ZYG11A: variants seen among roughly 807,000 people sequenced by gnomAD.
ZYG11A encodes protein zyg-11 homolog A.
In ZYG11A, 62 loss-of-function variants were observed where a neutral mutation model predicts 77.2. The observed-to-expected ratio is 0.80, with a 90% CI of 0.65 to 0.99. The LOEUF (loss-of-function observed/expected upper bound fraction) is 0.99, where lower values mean the gene tolerates loss of function less well. ZYG11A is among the 50% of genes least tolerant of loss of function. The pLI is 0.00. For missense variants in ZYG11A, 828 were observed against 896.8 expected (o/e 0.92, Z 0.98); for synonymous variants, 315 against 324.6 (o/e 0.97, Z 0.32).
chr1:52,886,184 G>A (rs888522222), intron 12 of ZYG11A, among the ~76,000 whole-genome samples: 18 of 152,170 alleles, frequency 1.2e-4, no homozygotes, highest in East Asian at 5.8e-4. Context: ...TGCCCGCCTC[G>A]GCCTCCTAAA....
At chr1:52,879,225 T>G (rs2150016225) in intron 10 of ZYG11A, among the ~76,000 whole-genome samples, 1 of 152,294 alleles carries the variant, frequency 6.6e-6, no homozygotes, top group South Asian at 2.1e-4. Flanking sequence ...CCATATGCAT[T>G]GGAAAAATAC....
intron 2 of ZYG11A, among the ~76,000 whole-genome samples, chr1:52,855,373 A>G (rs1485640221): frequency 6.6e-6 from 1 of 152,024 alleles, no homozygotes; most frequent in Non-Finnish European, 1.5e-5. Flanking sequence ...TATTTTTAGT[A>G]GAGATGGGGT....
intron 11 of ZYG11A, among the ~76,000 whole-genome samples, chr1:52,884,206 G>T (rs1646408284): frequency 6.6e-6 from 1 of 150,416 alleles, no homozygotes; most frequent in Non-Finnish European, 1.5e-5. Flanking sequence ...AAAAAAATTA[G>T]CTGGGCGTGG....
At chr1:52,859,102 T>A (rs930291991) in intron 3 of ZYG11A, among the ~76,000 whole-genome samples, 1 of 152,180 alleles carries the variant, frequency 6.6e-6, no homozygotes, top group East Asian at 1.9e-4. Flanking sequence ...AGAGTCACTC[T>A]GTTGTTCAGG....
At chr1:52,885,936 CTTTTTTTTATTT>C in intron 12 of ZYG11A, 42 bp downstream of exon 12, 1 of 1,426,564 alleles carries the variant, frequency 7.0e-7, no homozygotes, top group South Asian at 1.3e-5. Flanking sequence ...TTTTTTTCTT[CTTTTTTTTATTT>C]TTGAGACAGA....
intron 13 of ZYG11A, among the ~76,000 whole-genome samples, chr1:52,892,324 G>A (rs142266215): frequency 0.025 from 3,728 of 147,962 alleles, 138 homozygotes; most frequent in African/African-American, 0.073. Context: ...TCAGGAGATC[G>A]AGACCATCCT....
intron 1 of ZYG11A, among the ~76,000 whole-genome samples, chr1:52,848,631 CCA>C (rs760286681): frequency 4.6e-5 from 7 of 152,152 alleles, no homozygotes; most frequent in Non-Finnish European, 8.8e-5. Flanking sequence ...GGGGTTTCTC[CCA>C]CACGTTGGGA....
Position 52,854,491 on chromosome 1 carries a change from C to G in ZYG11A, c.117C>G (p.Val39=). 1 of 1,548,966 alleles carries G rather than the reference C, an allele frequency of 6.5e-7. No individual in the cohort carries two copies. The highest frequency in any genetic ancestry group is 8.7e-7 in the Non-Finnish European group (1 of 1,145,090). The change falls in exon 2 of 14, where the codon GTC becomes GTG. Residue 39 remains valine, a synonymous_variant. Coordinates refer to ENST00000371528, the MANE Select transcript of ZYG11A (RefSeq NM_001004339.3). ...AAGAGGCATCTCCCTACACTTTGGT[C>G]AACATCTGCCTGAATGTCCTGATTG... ...VQEEASPYTL[V]NICLNVLIAN... is the part of the protein sequence containing the mutation.
intron 10 of ZYG11A, among the ~76,000 whole-genome samples, chr1:52,880,857 G>C (rs1646351510): frequency 6.6e-6 from 1 of 152,186 alleles, no homozygotes; most frequent in Non-Finnish European, 1.5e-5. Context: ...CCAACACTTT[G>C]ATTGCAGCCC....
Position 52,857,608 on chromosome 1 carries a change from A to C in ZYG11A, c.867A>C (p.Ser289=). The C allele has an allele frequency of 6.4e-6, 10 of 1,552,038 alleles. No individual in the cohort carries two copies. The highest frequency in any genetic ancestry group is 8.7e-6 in the Non-Finnish European group (10 of 1,147,066). The change falls in exon 3 of 14, where the codon TCA becomes TCC. Residue 289 remains serine, a synonymous_variant. Coordinates refer to ENST00000371528, the MANE Select transcript of ZYG11A (RefSeq NM_001004339.3). ...QQKDILPNVV[S]LDISGGNCIT... ...AGGATATCCTGCCCAATGTTGTGTC[A>C]TTGGATATTTCTGGGGGCAATTGCA...
chr1:52,853,381 T>G (rs1168490259), intron 1 of ZYG11A, among the ~76,000 whole-genome samples: 1 of 152,182 alleles, frequency 6.6e-6, no homozygotes, highest in Non-Finnish European at 1.5e-5. Flanking sequence ...TATCACTGTT[T>G]GAGGTTGTGA....
chr1:52,862,940 T>C (rs926722927), intron 4 of ZYG11A, among the ~76,000 whole-genome samples: 4 of 152,072 alleles, frequency 2.6e-5, no homozygotes, highest in Non-Finnish European at 5.9e-5. Flanking sequence ...TGCCCCACCA[T>C]GCCTGGCTGT....
chr1:52,843,587 G>C (rs930046604), intron 1 of ZYG11A, among the ~76,000 whole-genome samples: 5 of 152,142 alleles, frequency 3.3e-5, no homozygotes, highest in Non-Finnish European at 5.9e-5. Context: ...CCCAGCCTTT[G>C]CCGAATGCCT....
intron 1 of ZYG11A, among the ~76,000 whole-genome samples, chr1:52,844,264 C>T (rs1014343378): frequency 1.3e-5 from 2 of 152,304 alleles, no homozygotes; most frequent in Admixed American, 6.5e-5. Context: ...TACATATTAA[C>T]GCCTTGTTGG....
chr1:52,877,630 A>G (rs1319450919), intron 8 of ZYG11A, 52 bp from the exon 9 acceptor site: 1 of 1,468,202 alleles, frequency 6.8e-7, no homozygotes, highest in Non-Finnish European at 9.1e-7. Flanking sequence ...TTATACCGCA[A>G]TTGATTATTC....
intron 8 of ZYG11A, among the ~76,000 whole-genome samples, chr1:52,873,779 A>G (rs1646211274): frequency 6.6e-6 from 1 of 152,038 alleles, no homozygotes; most frequent in East Asian, 1.9e-4. Context: ...AGGTTAAGAA[A>G]TCGAGACCAG....
At chr1:52,853,002 T>C (rs763489716) in intron 1 of ZYG11A, among the ~76,000 whole-genome samples, 1 of 152,236 alleles carries the variant, frequency 6.6e-6, no homozygotes, top group African/African-American at 2.4e-5. Flanking sequence ...AGCATTGAAC[T>C]AAAAGTTAAT....
At chr1:52,878,032 T>A (rs1385160520) in intron 10 of ZYG11A, 63 bp downstream of exon 10, 3 of 1,345,974 alleles carry the variant, frequency 2.2e-6, no homozygotes, top group Non-Finnish European at 3.1e-6. Context: ...ACTTATATAG[T>A]ACCTACTATA....
intron 13 of ZYG11A, among the ~76,000 whole-genome samples, chr1:52,890,200 A>G (rs958951629): frequency 2.0e-5 from 3 of 146,362 alleles, no homozygotes; most frequent in East Asian, 2.0e-4. Flanking sequence ...AGAATTCCAG[A>G]TAGTTACTTA....
Sources: gnomAD v4.1 joint callset for allele counts (sites outside exome capture counted in the v4.1 genomes callset) on GRCh38, gnomAD v4.1.1 for gene constraint, MANE v1.5 for transcripts, NCBI Gene and HGNC (gene_info 2026-07-23, HGNC 2026-07-21) for gene names.